The following SLCO5A1 variants were observed in gnomAD, a reference collection of about 807,000 sequenced individuals.
The protein encoded by SLCO5A1 is organic anion transporter polypeptide-related protein 4.
A neutral mutation model predicts 65.1 loss-of-function variants in SLCO5A1; 39 were observed. That is an observed-to-expected ratio of 0.60 (90% CI 0.46 to 0.78). The LOEUF is 0.78. SLCO5A1 is among the 30% of genes least tolerant of loss of function. SLCO5A1 has a pLI of 0.00. For synonymous variants in SLCO5A1, 438 were observed against 415.7 expected, an observed-to-expected ratio of 1.05 and a Z score of -0.65; for missense variants, 1,029 against 1,069.4, an observed-to-expected ratio of 0.96 and a Z score of 0.53.
chr8:69,747,677 C>T (rs79516423), intron 4 of SLCO5A1, among the ~76,000 whole-genome samples: 13 of 152,280 alleles, frequency 8.5e-5, no homozygotes, highest in Admixed American at 2.6e-4. Context: ...ACCCATCCCC[C>T]GTGGATACCA....
intron 2 of SLCO5A1, among the ~76,000 whole-genome samples, chr8:69,824,087 A>G (rs555968733): frequency 5.9e-4 from 90 of 152,320 alleles, no homozygotes; most frequent in African/African-American, 2.1e-3. Flanking sequence ...ACGAGAACAA[A>G]GACACAACAT....
Position 69,669,414 on chromosome 8 carries a change from A to G in SLCO5A1, c.*3455T>C, listed in dbSNP as rs1250814246. ...ACATTGCGTAGTGTAAAAAATGAAT[A>G]ATGGAGTGAGAGAAATCTATGTCTG... On this transcript the variant is annotated 3_prime_UTR_variant, in exon 10 of 10. Coordinates refer to ENST00000260126, the MANE Select transcript of SLCO5A1 (RefSeq NM_030958.3). 6.6e-6 allele frequency: 1 copy of G among 152,200 alleles called. No individual in the cohort carries two copies. The highest frequency in any genetic ancestry group is 1.5e-5 in the Non-Finnish European group (1 of 68,038). 9.4% of individuals were successfully genotyped at this position (152,200 alleles called of 1,614,324 possible).
At chr8:69,758,895 G>C (rs1817638859) in intron 3 of SLCO5A1, among the ~76,000 whole-genome samples, 1 of 152,210 alleles carries the variant, frequency 6.6e-6, no homozygotes. Context: ...GGCCAGTTAA[G>C]AGAGTGAACT....
At chr8:69,791,906 T>C (rs1165492841) in intron 2 of SLCO5A1, among the ~76,000 whole-genome samples, 1 of 152,190 alleles carries the variant, frequency 6.6e-6, no homozygotes, top group Non-Finnish European at 1.5e-5. Flanking sequence ...TAAACAACAT[T>C]ATAAATAGTA....
intron 7 of SLCO5A1, among the ~76,000 whole-genome samples, chr8:69,680,896 C>T (rs1210581912): frequency 6.6e-6 from 1 of 152,176 alleles, no homozygotes; most frequent in Non-Finnish European, 1.5e-5. Context: ...AAATGGACAT[C>T]AGCTGGCCTT....
intron 4 of SLCO5A1, among the ~76,000 whole-genome samples, chr8:69,754,004 C>CAAAAA (rs71556780): frequency 2.7e-5 from 2 of 73,468 alleles, no homozygotes; most frequent in African/African-American, 4.7e-5. Context: ...TGACCTATCT[C>CAAAAA]AAAAAAAAAA....
intron 2 of SLCO5A1, among the ~76,000 whole-genome samples, chr8:69,820,297 A>G (rs1337732142): frequency 1.3e-5 from 2 of 152,222 alleles, no homozygotes; most frequent in Non-Finnish European, 2.9e-5. Context: ...GGAAGAGCCC[A>G]GGGACCTGGC....
intron 4 of SLCO5A1, among the ~76,000 whole-genome samples, chr8:69,748,560 G>A (rs987509353): frequency 6.6e-6 from 1 of 152,126 alleles, no homozygotes; most frequent in African/African-American, 2.4e-5. Flanking sequence ...CATCCAAACC[G>A]GGAGAAAGAA....
chr8:69,716,679 T>C (rs1445198463), intron 5 of SLCO5A1, among the ~76,000 whole-genome samples: 1 of 152,224 alleles, frequency 6.6e-6, no homozygotes, highest in African/African-American at 2.4e-5. Flanking sequence ...ATTTTTCTTT[T>C]TATTATTGAG....
At chr8:69,795,086 T>C (rs1361027092) in intron 2 of SLCO5A1, among the ~76,000 whole-genome samples, 1 of 152,130 alleles carries the variant, frequency 6.6e-6, no homozygotes, top group Admixed American at 6.5e-5. Flanking sequence ...ACCTCCAACA[T>C]TGGGGATTAC....
At chr8:69,751,580 C>T (rs1817302511) in intron 4 of SLCO5A1, among the ~76,000 whole-genome samples, 1 of 151,556 alleles carries the variant, frequency 6.6e-6, no homozygotes, top group Admixed American at 6.6e-5. Flanking sequence ...GCAGTCTTGC[C>T]TCTGTCACTC....
At chr8:69,697,304 C>T (rs987541346) in intron 6 of SLCO5A1, among the ~76,000 whole-genome samples, 4 of 152,016 alleles carry the variant, frequency 2.6e-5, no homozygotes, top group African/African-American at 7.3e-5. Flanking sequence ...GCAGGAGAAT[C>T]GCTTGAACCC....
At chr8:69,798,629 TC>T (rs1819604203) in intron 2 of SLCO5A1, among the ~76,000 whole-genome samples, 1 of 152,146 alleles carries the variant, frequency 6.6e-6, no homozygotes, top group African/African-American at 2.4e-5. Flanking sequence ...CATGATTTAA[TC>T]ACCTCCCACC....
chr8:69,741,367 T>G (rs1174572462), intron 4 of SLCO5A1, among the ~76,000 whole-genome samples: 1 of 152,192 alleles, frequency 6.6e-6, no homozygotes, highest in African/African-American at 2.4e-5. Context: ...AGCGAGGTCA[T>G]GTATTGATTG....
chr8:69,681,296 T>C (rs1386542295), intron 7 of SLCO5A1, among the ~76,000 whole-genome samples: 1 of 152,106 alleles, frequency 6.6e-6, no homozygotes, highest in African/African-American at 2.4e-5. Context: ...CTGGGCTCAA[T>C]AAGTAACTGT....
chr8:69,707,520 G>A (rs544559838), intron 5 of SLCO5A1, among the ~76,000 whole-genome samples: 2 of 152,240 alleles, frequency 1.3e-5, no homozygotes, highest in Non-Finnish European at 2.9e-5. Context: ...CTGGAGAAGA[G>A]AGGTAGGGAA....
intron 6 of SLCO5A1, among the ~76,000 whole-genome samples, chr8:69,698,814 C>T (rs751696684): frequency 6.6e-6 from 1 of 152,176 alleles, no homozygotes; most frequent in Non-Finnish European, 1.5e-5. Flanking sequence ...TTCCCATGTT[C>T]CCTTTCCACG....
chr8:69,678,876 G>A (rs368904939), intron 8 of SLCO5A1, among the ~76,000 whole-genome samples: 1 of 151,382 alleles, frequency 6.6e-6, no homozygotes, highest in Non-Finnish European at 1.5e-5. Context: ...TTATATGATA[G>A]TAAAATTAAT....
chr8:69,759,443 T>TA (rs1817664726), intron 3 of SLCO5A1, among the ~76,000 whole-genome samples: 1 of 152,150 alleles, frequency 6.6e-6, no homozygotes, highest in Non-Finnish European at 1.5e-5. Context: ...AGGAACAACT[T>TA]AGAGTGCTAG....
Sources: gnomAD v4.1 joint callset for allele counts (sites outside exome capture counted in the v4.1 genomes callset) on GRCh38, gnomAD v4.1.1 for gene constraint, MANE v1.5 for transcripts, NCBI Gene and HGNC (gene_info 2026-07-23, HGNC 2026-07-21) for gene names.